Variants in PLXDC2 observed in about 807,000 individuals in gnomAD.
The protein encoded by PLXDC2 is plexin domain-containing protein 2.
In PLXDC2, 40 loss-of-function variants were observed where a neutral mutation model predicts 68.9. That is an observed-to-expected ratio of 0.58 (90% CI 0.45 to 0.76). PLXDC2 has a LOEUF of 0.76. Among genes scored for constraint, PLXDC2 ranks in the 30% least tolerant of loss-of-function variants. The pLI is 0.00. For missense variants in PLXDC2, 644 were observed against 661.9 expected (o/e 0.97, Z 0.30); for synonymous variants, 243 against 234.2 (o/e 1.04, Z -0.34).
rs879685830 is a variant in PLXDC2 at position 20,249,468 on chromosome 10, C to T, written c.1473+3963C>T. Among the ~76,000 whole-genome samples the T allele has an allele frequency of 2.6e-5, 4 of 152,130 alleles. 1 individual carries two copies. The South Asian group carries it at 8.3e-4, about 32-fold the overall frequency. On this transcript the variant is annotated intron_variant, in intron 13 of 13. Coordinates refer to ENST00000377252, the MANE Select transcript of PLXDC2 (RefSeq NM_032812.9). ...GGAGGCTTCAGGGGATAATCGTTTC[C>T]TTGCCATTTTCAGCTTCCACATGCC...
At chr10:20,072,637 G>A (rs1836355948) in intron 4 of PLXDC2, among the ~76,000 whole-genome samples, 1 of 152,186 alleles carries the variant, frequency 6.6e-6, no homozygotes, top group Non-Finnish European at 1.5e-5. Flanking sequence ...TCTGTCAGTG[G>A]AAGGCAGGTT....
chr10:20,218,256 G>C (rs966325051), intron 11 of PLXDC2, among the ~76,000 whole-genome samples: 1 of 152,066 alleles, frequency 6.6e-6, no homozygotes, highest in African/African-American at 2.4e-5. Flanking sequence ...CCACGAATCA[G>C]GTTTGAGGGG....
chr10:19,916,383 A>T lies in PLXDC2; in HGVS notation c.113-85392A>T, dbSNP rs141085385. Among the ~76,000 whole-genome samples, 110 of 150,968 alleles carry T rather than the reference A, an allele frequency of 7.3e-4. No individual in the cohort carries two copies. The East Asian group carries it at 0.018, about 24-fold the overall frequency. On this transcript the variant is annotated intron_variant, in intron 1 of 13. Coordinates refer to ENST00000377252, the MANE Select transcript of PLXDC2 (RefSeq NM_032812.9). ...AAACTGGTCTTGAACTCCTGACCTC[A>T]GGTGATCCGCCCACCTTAGCCTCCA...
At position 20,261,809 on chromosome 10, in the gene PLXDC2, G is replaced by A. The variant is rs141969581; in HGVS notation, c.1473+16304G>A. Among the ~76,000 whole-genome samples, 792 of 152,226 alleles carry A rather than the reference G, an allele frequency of 5.2e-3. 7 individuals are homozygous for A. The highest frequency in any genetic ancestry group is 0.018 in the African/African-American group (737 of 41,538). ...GCGGAGGTTGCGGTGAGCCAAGATC[G>A]TGCCATTGTACTCCAGCCTGGGCGC... On this transcript the variant is annotated intron_variant, in intron 13 of 13. Transcript: ENST00000377252.
intron 1 of PLXDC2, among the ~76,000 whole-genome samples, chr10:19,848,675 G>A (rs889776112): frequency 6.6e-6 from 1 of 152,178 alleles, no homozygotes; most frequent in Non-Finnish European, 1.5e-5. Flanking sequence ...ATGTAGGTTA[G>A]TAGAGAATTT....
chr10:20,049,689 A>T (rs1835860041), intron 3 of PLXDC2, among the ~76,000 whole-genome samples: 1 of 152,100 alleles, frequency 6.6e-6, no homozygotes, highest in African/African-American at 2.4e-5. Flanking sequence ...ATTACAAAAC[A>T]CTGCTCAAAG....
chr10:20,056,356 C>A (rs74413658), intron 3 of PLXDC2, among the ~76,000 whole-genome samples: 5,837 of 152,194 alleles, frequency 0.038, 154 homozygotes, highest in South Asian at 0.067. Context: ...CTCTGCATGC[C>A]TGGGAAATGG....
chr10:20,244,334 G>A (rs1835559860), intron 12 of PLXDC2, among the ~76,000 whole-genome samples: 1 of 152,158 alleles, frequency 6.6e-6, no homozygotes, highest in Non-Finnish European at 1.5e-5. Flanking sequence ...CTTTGGTTAG[G>A]ATAGTTATTA....
intron 13 of PLXDC2, among the ~76,000 whole-genome samples, chr10:20,251,467 A>G (rs577449932): frequency 3.6e-4 from 55 of 152,272 alleles, no homozygotes; most frequent in Admixed American, 9.2e-4. Context: ...CAATATATCT[A>G]GGTTCTACAT....
At chr10:19,986,921 G>T (rs1834651129) in intron 1 of PLXDC2, among the ~76,000 whole-genome samples, 1 of 152,188 alleles carries the variant, frequency 6.6e-6, no homozygotes, top group Non-Finnish European at 1.5e-5. Flanking sequence ...AGTGATTTCT[G>T]TGCATGAACA....
chr10:20,096,984 G>GT (rs1448307537), intron 4 of PLXDC2, among the ~76,000 whole-genome samples: 3 of 152,032 alleles, frequency 2.0e-5, no homozygotes, highest in African/African-American at 7.2e-5. Flanking sequence ...CAGTTTTGCA[G>GT]TTTTCCATGT....
intron 1 of PLXDC2, among the ~76,000 whole-genome samples, chr10:19,881,773 C>T (rs1837732309): frequency 6.6e-6 from 1 of 152,186 alleles, no homozygotes; most frequent in Non-Finnish European, 1.5e-5. Context: ...GTTCTGATAA[C>T]TTCTCCAGTT....
At chr10:20,043,763 A>G (rs1038592819) in intron 2 of PLXDC2, among the ~76,000 whole-genome samples, 3 of 152,128 alleles carry the variant, frequency 2.0e-5, no homozygotes, top group Non-Finnish European at 4.4e-5. Flanking sequence ...ATTTTCTTCC[A>G]AACCACCTTT....
At chr10:19,824,915 G>A (rs181949495) in intron 1 of PLXDC2, among the ~76,000 whole-genome samples, 12 of 152,244 alleles carry the variant, frequency 7.9e-5, no homozygotes, top group Admixed American at 3.9e-4. Context: ...GGGCCTGTTT[G>A]GAATTAGCCT....
At chr10:20,057,578 T>G (rs907369314) in intron 3 of PLXDC2, among the ~76,000 whole-genome samples, 1 of 152,120 alleles carries the variant, frequency 6.6e-6, no homozygotes, top group African/African-American at 2.4e-5. Context: ...CCCCAGAGAA[T>G]AGGCATCTTT....
intron 2 of PLXDC2, among the ~76,000 whole-genome samples, chr10:20,027,815 C>T (rs1589594199): frequency 1.3e-5 from 2 of 152,004 alleles, no homozygotes; most frequent in African/African-American, 4.8e-5. Flanking sequence ...TTAAAAATCT[C>T]AGAAATTGTC....
intron 1 of PLXDC2, among the ~76,000 whole-genome samples, chr10:19,985,912 C>T (rs1333690783): frequency 3.9e-5 from 6 of 152,216 alleles, no homozygotes; most frequent in Admixed American, 2.0e-4. Context: ...CACCTTCCCT[C>T]CTTGTGTCAG....
chr10:20,057,730 T>C (rs1299085306), intron 3 of PLXDC2, among the ~76,000 whole-genome samples: 2 of 152,026 alleles, frequency 1.3e-5, no homozygotes, highest in African/African-American at 2.4e-5. Context: ...CCAAGTAAGG[T>C]TCAAGTTTAA....
chr10:20,163,095 A>G (rs1257363190), intron 6 of PLXDC2, among the ~76,000 whole-genome samples: 1 of 152,060 alleles, frequency 6.6e-6, no homozygotes, highest in East Asian at 1.9e-4. Flanking sequence ...AGACTTGGAT[A>G]TAAATTTTGA....
Sources: gnomAD v4.1 joint callset for allele counts (sites outside exome capture counted in the v4.1 genomes callset) on GRCh38, gnomAD v4.1.1 for gene constraint, MANE v1.5 for transcripts, NCBI Gene and HGNC (gene_info 2026-07-23, HGNC 2026-07-21) for gene names.